Variants in SRBD1 observed in about 807,000 individuals in gnomAD.
The protein encoded by SRBD1 is S1 RNA-binding domain-containing protein 1.
A neutral mutation model predicts 115.3 loss-of-function variants in SRBD1; 88 were observed. The observed-to-expected ratio is 0.76, with a 90% CI of 0.64 to 0.91. The LOEUF (loss-of-function observed/expected upper bound fraction) is 0.91, where lower values mean the gene tolerates loss of function less well. SRBD1 is among the 40% of genes least tolerant of loss of function. The pLI, the probability that SRBD1 is intolerant of heterozygous loss-of-function variation, is 0.00. For missense variants in SRBD1, 1,385 were observed against 1,177.4 expected (o/e 1.18, Z -2.58); for synonymous variants, 509 against 407.7 (o/e 1.25, Z -2.99).
intron 4 of SRBD1, among the ~76,000 whole-genome samples, chr2:45,588,036 ACT>A (rs1458797633): frequency 2.0e-5 from 3 of 151,948 alleles, no homozygotes; most frequent in South Asian, 2.1e-4. Context: ...ATATTTCCTT[ACT>A]CTGTCACTGT....
At position 45,518,644 on chromosome 2, in the gene SRBD1, GA is replaced by G. The variant is rs3835991; in HGVS notation, c.1874+28087del. ...TACAACATGTTTGGTGCCTTTGTAA[GA>G]ATCAACCAAGGAAACATCTTTTTTA... On this transcript the variant is annotated intron_variant, in intron 14 of 20. Transcript: ENST00000263736. Among the ~76,000 whole-genome samples, 6 of 152,230 alleles carry G rather than the reference GA, an allele frequency of 3.9e-5. No homozygotes were observed. In the East Asian group the frequency reaches 1.2e-3, roughly 29 times the overall value.
intron 14 of SRBD1, among the ~76,000 whole-genome samples, chr2:45,495,298 T>C (rs1456171993): frequency 1.3e-5 from 2 of 152,188 alleles, no homozygotes; most frequent in African/African-American, 2.4e-5. Flanking sequence ...ACAAACTCAA[T>C]GGTACCTTCA....
At chr2:45,407,782 A>G (rs541175510) in intron 19 of SRBD1, among the ~76,000 whole-genome samples, 1 of 152,180 alleles carries the variant, frequency 6.6e-6, no homozygotes, top group African/African-American at 2.4e-5. Context: ...CATTATAAGC[A>G]GATATAAAAG....
Position 45,551,210 on chromosome 2 carries a change from T to G in SRBD1, c.1590A>C (p.Leu530Phe). ...AGGTGCGCCCTGGAACAGGGCTTGT[T>G]AAAAGGAGCTGACGAAGGTTCCGTC... ...MFGRNLRQLLLTSPVPGRTLM... is the reference protein window; with the variant it reads ...MFGRNLRQLLFTSPVPGRTLM... The change falls in exon 12 of 21, where the codon TTA (leucine) becomes TTC (phenylalanine). Residue 530 changes from leucine to phenylalanine, a missense_variant. Physicochemically the swap from Leu to Phe is conservative, Grantham distance 22. Coordinates refer to ENST00000263736, the MANE Select transcript of SRBD1 (RefSeq NM_018079.5). 6.2e-7 allele frequency: 1 copy of G among 1,613,168 alleles called. No individual in the cohort carries two copies. Among genetic ancestry groups the G allele is most frequent in the Non-Finnish European group, 8.5e-7 (1 of 1,179,830 alleles).
chr2:45,557,512 C>T (rs1016607423), intron 10 of SRBD1, among the ~76,000 whole-genome samples: 3 of 152,188 alleles, frequency 2.0e-5, no homozygotes, highest in African/African-American at 7.2e-5. Flanking sequence ...GAACAGAGAG[C>T]TATGGGTCTA....
chr2:45,571,537 A>AAAAAAAAAAAAAC (rs1553356650), intron 9 of SRBD1, among the ~76,000 whole-genome samples: 3 of 143,882 alleles, frequency 2.1e-5, no homozygotes, highest in Non-Finnish European at 4.5e-5. Flanking sequence ...AAAAAAAAAA[A>AAAAAAAAAAAAAC]AAAAACTGTC....
rs1667764025 is a variant in SRBD1, at chr2:45,414,928, C to CACACATAGTGTGTATATAGTATGTACAT, written c.2334-1636_2334-1635insATGTACATACTATATACACACTATGTGT. Among the ~76,000 whole-genome samples, 4 of 104,588 alleles carry CACACATAGTGTGTATATAGTATGTACAT rather than the reference C, an allele frequency of 3.8e-5. 2 individuals are homozygous for CACACATAGTGTGTATATAGTATGTACAT. Among genetic ancestry groups the CACACATAGTGTGTATATAGTATGTACAT allele is most frequent in the African/African-American group, 1.9e-4 (4 of 21,220 alleles). The allele number at this position is 104,588 out of a possible 152,430, so 68.6% of individuals were successfully genotyped here. A position where few individuals can be genotyped will look rare whatever the true frequency, so the allele number is the denominator to read the frequency against. On this transcript the variant is annotated intron_variant, in intron 18 of 20. Coordinates refer to ENST00000263736, the MANE Select transcript of SRBD1 (RefSeq NM_018079.5). ...ATATAGTGTGTATATAGTATGTACACACACAGTGTTATATAGTATGTACAT... is the reference window on the plus strand; with the variant it reads ...ATATAGTGTGTATATAGTATGTACACACACATAGTGTGTATATAGTATGTACATACACAGTGTTATATAGTATGTACAT...
chr2:45,426,663 C>A (rs965704437), intron 16 of SRBD1, among the ~76,000 whole-genome samples: 3 of 152,178 alleles, frequency 2.0e-5, no homozygotes, highest in Non-Finnish European at 4.4e-5. Flanking sequence ...GAAAAGGCAG[C>A]AATCTTTGCT....
chr2:45,546,891 T>A (rs2104032788), intron 13 of SRBD1, 52 bp from the exon 14 acceptor site: 1 of 1,543,276 alleles, frequency 6.5e-7, no homozygotes, highest in South Asian at 1.1e-5. Flanking sequence ...TGCTTTGAAA[T>A]CAGCTGGAGA....
intron 14 of SRBD1, among the ~76,000 whole-genome samples, chr2:45,507,797 T>G (rs866848341): frequency 2.0e-5 from 3 of 152,120 alleles, no homozygotes; most frequent in Non-Finnish European, 4.4e-5. Flanking sequence ...CTTAAAGCCA[T>G]GAAAATCGTC....
chr2:45,434,816 A>C (rs1668440483), intron 16 of SRBD1, among the ~76,000 whole-genome samples: 1 of 151,702 alleles, frequency 6.6e-6, no homozygotes, highest in African/African-American at 2.4e-5. Context: ...ACATGTGCAC[A>C]ATGTGCAGGT....
chr2:45,407,451 C>T (rs1009411656), intron 19 of SRBD1, among the ~76,000 whole-genome samples: 1 of 152,154 alleles, frequency 6.6e-6, no homozygotes, highest in Non-Finnish European at 1.5e-5. Flanking sequence ...ACAAAGGGTA[C>T]TTTCTAATTG....
chr2:45,530,786 T>C (rs578107813), intron 14 of SRBD1, among the ~76,000 whole-genome samples: 8 of 152,116 alleles, frequency 5.3e-5, no homozygotes, highest in African/African-American at 1.4e-4. Flanking sequence ...ATATGGTATA[T>C]GGCAATGACA....
At position 45,586,731 on chromosome 2, in the gene SRBD1, G is replaced by C. The variant is rs1673536328; in HGVS notation, c.649-957C>G. Among the ~76,000 whole-genome samples the C allele has an allele frequency of 2.0e-5, 3 of 149,108 alleles. No individual in the cohort carries two copies. In the South Asian group the frequency reaches 6.4e-4, roughly 32 times the overall value. ...GCTAATTTTTTTTTTTTTATTAGTGGAAATGAGGTCTTACTACATTGCCCA... is the reference window on the plus strand; with the variant it reads ...GCTAATTTTTTTTTTTTTATTAGTGCAAATGAGGTCTTACTACATTGCCCA... On this transcript the variant is annotated intron_variant, in intron 4 of 20. Coordinates refer to ENST00000263736, the MANE Select transcript of SRBD1 (RefSeq NM_018079.5).
chr2:45,572,594 T>G (rs1673053247), intron 9 of SRBD1, among the ~76,000 whole-genome samples: 1 of 152,078 alleles, frequency 6.6e-6, no homozygotes, highest in Admixed American at 6.6e-5. Flanking sequence ...GGGCACTAGA[T>G]AGTAACTTGA....
rs1192714064 is a variant in SRBD1, at chr2:45,454,788, T to C, written c.2049+22205A>G. Among the ~76,000 whole-genome samples the C allele has an allele frequency of 4.0e-5, 6 of 151,858 alleles. No individual in the cohort carries two copies. In the East Asian group the frequency reaches 5.8e-4, roughly 15 times the overall value. ...ACAATCATTCAGCAAATTATGAACATTGTTATATCTTAACATTATAAATTT... is the reference window on the plus strand; with the variant it reads ...ACAATCATTCAGCAAATTATGAACACTGTTATATCTTAACATTATAAATTT... On this transcript the variant is annotated intron_variant, in intron 16 of 20. Coordinates refer to ENST00000263736, the MANE Select transcript of SRBD1 (RefSeq NM_018079.5).
chr2:45,421,539 A>AC (rs1668006352), intron 16 of SRBD1, among the ~76,000 whole-genome samples: 1 of 148,294 alleles, frequency 6.7e-6, no homozygotes, highest in Non-Finnish European at 1.5e-5. Context: ...AAAAAAAAAA[A>AC]AAAAAAGTCA....
chr2:45,461,513 T>A (rs1669316544), intron 16 of SRBD1, among the ~76,000 whole-genome samples: 1 of 152,138 alleles, frequency 6.6e-6, no homozygotes, highest in South Asian at 2.1e-4. Flanking sequence ...ATACAACAAG[T>A]GCTTTCTATA....
rs1034427331 is a variant in SRBD1, at chr2:45,502,653, G to A, written c.1875-14322C>T. Among the ~76,000 whole-genome samples the A allele has an allele frequency of 2.0e-5, 3 of 151,528 alleles. No homozygotes were observed. In the East Asian group the frequency reaches 5.8e-4, roughly 29 times the overall value. On this transcript the variant is annotated intron_variant, in intron 14 of 20. Transcript: ENST00000263736. Reference sequence around the variant, plus strand: ...CAATGAGAACACTTGGACACGGGAAGGAGAACATCACACACCGGGGCCTGT... The same window carrying A: ...CAATGAGAACACTTGGACACGGGAAAGAGAACATCACACACCGGGGCCTGT...
Sources: allele counts gnomAD v4.1 joint callset (sites outside exome capture counted in the v4.1 genomes callset), GRCh38; gene constraint gnomAD v4.1.1; transcripts MANE v1.5; gene names NCBI Gene and HGNC (gene_info 2026-07-23, HGNC 2026-07-21).